The following DNAH3 variants were observed in gnomAD, a reference collection of about 807,000 sequenced individuals.
The protein encoded by DNAH3 is axonemal beta dynein heavy chain 3.
A neutral mutation model predicts 432.5 loss-of-function variants in DNAH3; 332 were observed. That is an observed-to-expected ratio of 0.77 (90% CI 0.70 to 0.84). DNAH3 has a LOEUF of 0.84. Among genes scored for constraint, DNAH3 ranks in the 40% least tolerant of loss-of-function variants. The pLI is 0.00. For missense variants in DNAH3, 4,861 were observed against 5,114.0 expected (o/e 0.95, Z 1.51); for synonymous variants, 1,956 against 1,900.2 (o/e 1.03, Z -0.76).
chr16:21,058,142 A>T (rs2090200920), exon 27 of DNAH3: 1 of 1,613,912 alleles, frequency 6.2e-7, no homozygotes, highest in African/African-American at 1.3e-5. Context: ...AAGATGGAGG[A>T]GACACAGATA....
chr16:21,122,933 T>C (rs1344190042), intron 9 of DNAH3, among the ~76,000 whole-genome samples: 1 of 152,114 alleles, frequency 6.6e-6, no homozygotes, highest in African/African-American at 2.4e-5. Flanking sequence ...ATTACAGGTA[T>C]GAGACACTAG....
At chr16:21,132,913 A>G (rs180840714) in intron 7 of DNAH3, among the ~76,000 whole-genome samples, 1 of 150,632 alleles carries the variant, frequency 6.6e-6, no homozygotes, top group Admixed American at 6.6e-5. Context: ...TTTTAAAATG[A>G]AAGAATGAAA....
chr16:21,020,348 G>GTATATATATATATATATAAAATCACTATA (rs2088110933), intron 40 of DNAH3, among the ~76,000 whole-genome samples: 1 of 69,178 alleles, frequency 1.4e-5, no homozygotes, highest in Non-Finnish European at 2.5e-5. Flanking sequence ...TATAGTGTGT[G>GTATATATATATATATATAAAATCACTATA]TATATATATA....
chr16:21,058,651 C>T (rs186120032), intron 26 of DNAH3, among the ~76,000 whole-genome samples: 4 of 152,156 alleles, frequency 2.6e-5, no homozygotes, highest in Admixed American at 1.3e-4. Flanking sequence ...GAAATACAGC[C>T]GCAGCATACA....
At chr16:21,039,197 T>C (rs1488127602) in intron 33 of DNAH3, among the ~76,000 whole-genome samples, 1 of 151,496 alleles carries the variant, frequency 6.6e-6, no homozygotes, top group Non-Finnish European at 1.5e-5. Flanking sequence ...AATAATTGCA[T>C]ATGTTTTATA....
intron 26 of DNAH3, 106 bp downstream of exon 26, chr16:21,060,158 G>C (rs1371648721): frequency 2.3e-6 from 2 of 851,966 alleles, no homozygotes; most frequent in Non-Finnish European, 3.9e-6. Context: ...GACAGGTTTT[G>C]GTAGAAAGCA....
intron 21 of DNAH3, among the ~76,000 whole-genome samples, chr16:21,074,955 T>C (rs2090922729): frequency 6.6e-6 from 1 of 152,188 alleles, no homozygotes; most frequent in Non-Finnish European, 1.5e-5. Context: ...CCTACACCCT[T>C]ACTATTCAAA....
chr16:20,969,921 G>A (rs2085257074), exon 52 of DNAH3: 2 of 1,614,050 alleles, frequency 1.2e-6, no homozygotes, highest in African/African-American at 1.3e-5. Context: ...GCCGGGTTCA[G>A]GGTGTCCAGA....
chr16:20,946,398 T>C (rs184982449), intron 57 of DNAH3, among the ~76,000 whole-genome samples: 38 of 152,292 alleles, frequency 2.5e-4, no homozygotes, highest in Admixed American at 1.5e-3. Context: ...CTAAATGTAT[T>C]TGACTGATGC....
chr16:21,132,815 A>G (rs914626074), intron 7 of DNAH3, among the ~76,000 whole-genome samples: 4 of 152,178 alleles, frequency 2.6e-5, no homozygotes, highest in Non-Finnish European at 4.4e-5. Flanking sequence ...GACAGTGGTA[A>G]GGATTAAACA....
chr16:20,961,610 G>A (rs961918273), intron 53 of DNAH3, among the ~76,000 whole-genome samples: 2 of 151,964 alleles, frequency 1.3e-5, no homozygotes, highest in African/African-American at 2.4e-5. Flanking sequence ...AAGAGGAGAT[G>A]AGGACAGACA....
At chr16:21,104,176 G>T in intron 16 of DNAH3, 1 of 274,930 alleles carries the variant, frequency 3.6e-6, no homozygotes, top group Non-Finnish European at 7.0e-6. Flanking sequence ...TATTATTGGG[G>T]AGGCCGTTAT....
chr16:21,132,976 G>A (rs918656805), intron 7 of DNAH3, among the ~76,000 whole-genome samples: 17 of 149,974 alleles, frequency 1.1e-4, no homozygotes, highest in African/African-American at 1.5e-4. Flanking sequence ...TTTTTGAGAC[G>A]GAGTTTCGCA....
At position 20,969,086 on chromosome 16, in the gene DNAH3, CTGTGTGTGTG is replaced by C. The variant is rs56928155; in HGVS notation, c.8458+696_8458+705del. On this transcript the variant is annotated intron_variant, in intron 52 of 61. Coordinates refer to ENST00000261383, the Ensembl canonical transcript of DNAH3. The stretch of plus-strand genomic sequence containing the variant: ...CTCTCCCCATCTGCTTTTTCTTTCT[CTGTGTGTGTG>C]TGTGTGTGTGTGTGTGTGTGTGTGT... Among the ~76,000 whole-genome samples, 1,146 of 146,432 alleles carry C rather than the reference CTGTGTGTGTG, an allele frequency of 7.8e-3. 14 individuals carry two copies. Among genetic ancestry groups the C allele is most frequent in the African/African-American group, 0.027 (1,077 of 39,602 alleles).
chr16:20,972,523 C>A (rs539718350), intron 51 of DNAH3, among the ~76,000 whole-genome samples: 1 of 152,188 alleles, frequency 6.6e-6, no homozygotes, highest in South Asian at 2.1e-4. Flanking sequence ...AAGGCATGAC[C>A]CATCATGGCT....
In DNAH3 at chr16:21,098,857, G is replaced by A. The variant is rs139580219; in HGVS notation, c.2367-88C>T. 2.8e-4 allele frequency: 390 copies of A among 1,378,632 alleles called. 2 individuals carry two copies. The African/African-American group carries it at 3.9e-3, about 14-fold the overall frequency. 85.4% of individuals were successfully genotyped at this position (1,378,632 alleles called of 1,614,324 possible). ...GCACTGCTTGCCCATATTTAAGCCT[G>A]CAGACAATTTGATCAGTTACCTGCA... is the stretch of plus-strand genomic sequence containing the variant. On this transcript the variant is annotated intron_variant, in intron 16 of 61. Coordinates refer to ENST00000261383, the Ensembl canonical transcript of DNAH3.
At chr16:21,074,904 A>G (rs898232973) in intron 21 of DNAH3, among the ~76,000 whole-genome samples, 6 of 152,090 alleles carry the variant, frequency 3.9e-5, no homozygotes, top group African/African-American at 1.4e-4. Flanking sequence ...GCACTGTACA[A>G]ACTCCTGTGT....
At chr16:21,040,519 C>T (rs1161605377) in intron 32 of DNAH3, among the ~76,000 whole-genome samples, 2 of 151,738 alleles carry the variant, frequency 1.3e-5, no homozygotes, top group South Asian at 2.1e-4. Flanking sequence ...GTGCCCAACA[C>T]CAGGCCCAGC....
intron 55 of DNAH3, among the ~76,000 whole-genome samples, chr16:20,954,016 G>C (rs893166264): frequency 6.6e-6 from 1 of 151,934 alleles, no homozygotes; most frequent in African/African-American, 2.4e-5. Context: ...TTAATATTCA[G>C]GAGTTCTAGA....
Sources: gnomAD v4.1 joint callset for allele counts (sites outside exome capture counted in the v4.1 genomes callset) on GRCh38, gnomAD v4.1.1 for gene constraint, MANE v1.5 for transcripts, NCBI Gene and HGNC (gene_info 2026-07-23, HGNC 2026-07-21) for gene names.